Variants in TSR3 observed in about 807,000 individuals in gnomAD.
TSR3 encodes the protein 18S rRNA aminocarboxypropyltransferase.
In TSR3, 31 loss-of-function variants were observed where a neutral mutation model predicts 28.1. The ratio of observed to expected loss-of-function variants is 1.10; its 90% CI spans 0.83 to 1.49. TSR3 has a LOEUF of 1.49. Among genes scored for constraint, TSR3 ranks in the 40% most tolerant of loss-of-function variants. The probability of loss-of-function intolerance (pLI) is 0.00; values close to 1 mark genes in which losing one functional copy is unlikely to be tolerated. For missense variants in TSR3, 511 were observed against 444.0 expected (o/e 1.15, Z -1.36); for synonymous variants, 219 against 197.2 (o/e 1.11, Z -0.93).
chr16:1,349,744 T>C, intron 5 of TSR3, 136 bp from the exon 6 acceptor site: 1 of 1,367,878 alleles, frequency 7.3e-7, no homozygotes, highest in Non-Finnish European at 1.0e-6. Context: ...ACCTCTCCAG[T>C]GGGACATGCA....
rs757945435 is a variant in TSR3 at position 1,350,093 on chromosome 16, G to T, written c.668C>A (p.Ala223Asp). 6.2e-6 allele frequency: 10 copies of T among 1,609,926 alleles called. No homozygotes were observed. The South Asian group carries it at 1.1e-4, about 18-fold the overall frequency. ...CTCCTGGGGGCTCTCCTTGGCATTG[G>T]CCAAGAACTCCTGCTCCGCCTGCAG... ...EVLQAEQEFLANAKESPQEEE... is the reference protein window; with the variant it reads ...EVLQAEQEFLDNAKESPQEEE... The change falls in exon 4 of 6, where the codon GCC (alanine) becomes GAC (aspartate). Residue 223 changes from alanine (A) to aspartate (D), a missense_variant. Coordinates refer to ENST00000007390, the MANE Select transcript of TSR3 (RefSeq NM_001001410.3).
At chr16:1,351,160 G>A (rs556565258) in intron 2 of TSR3, among the ~76,000 whole-genome samples, 160 bp from the exon 3 acceptor site, 2 of 152,282 alleles carry the variant, frequency 1.3e-5, no homozygotes, top group South Asian at 4.1e-4. Flanking sequence ...AGCTGCTTGG[G>A]GCACCTGGAG....
At position 1,349,337 on chromosome 16, in the gene TSR3, C is replaced by T; in HGVS notation, c.*100G>A. 1.5e-6 allele frequency: 2 copies of T among 1,360,548 alleles called. No individual in the cohort carries two copies. The highest frequency in any genetic ancestry group is 2.1e-6 in the Non-Finnish European group (2 of 951,120). The allele number at this position is 1,360,548 out of a possible 1,614,324, so 84.3% of individuals were successfully genotyped here. A position where few individuals can be genotyped will look rare whatever the true frequency, so the allele number is the denominator to read the frequency against. The stretch of plus-strand genomic sequence containing the variant: ...GAGAACCCGGACAGCTCAGTCCTGC[C>T]AGCAGCCGCAAAGAGCCGAGGCTGC... On this transcript the variant is annotated 3_prime_UTR_variant, in exon 6 of 6. Transcript: ENST00000007390.
At position 1,351,580 on chromosome 16, in the gene TSR3, G is replaced by C; in HGVS notation, c.131C>G (p.Ala44Gly). Residue 44 changes from alanine to glycine, a missense_variant, in exon 2 of 6, where the codon GCG (alanine) becomes GGG (glycine). By Grantham distance (60) the Ala-to-Gly change is moderately conservative. Coordinates refer to ENST00000007390, the MANE Select transcript of TSR3 (RefSeq NM_001001410.3). The stretch of plus-strand genomic sequence containing the variant: ...GCCCGGGCCGCCCTCGCCGTCAGCC[G>C]CCCCTGGCTCCACGGAAGCTGCACG... The part of the protein sequence containing the change: ...AALQASVEPG[A>G]ADGEGGPGPA... 1.4e-6 allele frequency: 2 copies of C among 1,474,128 alleles called. No homozygotes were observed. Among genetic ancestry groups the C allele is most frequent in the Non-Finnish European group, 1.8e-6 (2 of 1,121,660 alleles). The allele number at this position is 1,474,128 out of a possible 1,614,324, so 91.3% of individuals were successfully genotyped here.
At chr16:1,349,771 C>A in intron 5 of TSR3, 118 bp downstream of exon 5, 1 of 1,413,734 alleles carries the variant, frequency 7.1e-7, no homozygotes, top group Non-Finnish European at 9.8e-7. Context: ...GTTTTCTAGT[C>A]AGAAGACCAT....
rs140020940 is a variant in TSR3 at position 1,350,223 on chromosome 16, G to A, written c.538C>T (p.Leu180Phe). The change falls in exon 4 of 6, where the codon CTT becomes TTT. Residue 180 changes from leucine (L) to phenylalanine (F), a missense_variant. Coordinates refer to ENST00000007390, the MANE Select transcript of TSR3 (RefSeq NM_001001410.3). ...AACTTCCGCAGCAAAATGACAGCAA[G>A]GTCTGGAAAGCCTGACGGTGTGAGA... Reference protein sequence around the residue: ...ATFCIVGFPDLAVILLRKFKW... With the variant: ...ATFCIVGFPDFAVILLRKFKW... The A allele has an allele frequency of 7.5e-6, 12 of 1,596,122 alleles. No homozygotes were observed. The highest frequency in any genetic ancestry group is 1.0e-5 in the Non-Finnish European group (12 of 1,176,574).
chr16:1,351,320 C>G (rs2034671838), intron 2 of TSR3, 59 bp downstream of exon 2: 1 of 1,518,374 alleles, frequency 6.6e-7, no homozygotes. Flanking sequence ...CTAAACCATC[C>G]CTGAAGGGAA....
rs2034680242 is a variant in TSR3 at position 1,351,503 on chromosome 16, G to A, written c.208C>T (p.Pro70Ser). 1.3e-6 allele frequency: 2 copies of A among 1,545,536 alleles called. No homozygotes were observed. The highest frequency in any genetic ancestry group is 1.7e-6 in the Non-Finnish European group (2 of 1,153,586). Residue 70 changes from proline (P) to serine (S), a missense_variant, in exon 2 of 6, where the codon CCC (proline) becomes TCC (serine). By Grantham distance (74) the Pro-to-Ser change is moderately conservative. Coordinates refer to ENST00000007390, the MANE Select transcript of TSR3 (RefSeq NM_001001410.3). ...AGCTTGCGGCCCGTGCAGCGCCGGG[G>A]GTCGCAGTGGCCCAACTCCCACATG... ...LAMWELGHCDPRRCTGRKLAR... is the reference protein window; with the variant it reads ...LAMWELGHCDSRRCTGRKLAR...
chr16:1,351,072 C>T, intron 2 of TSR3, 72 bp from the exon 3 acceptor site: 1 of 1,486,244 alleles, frequency 6.7e-7, no homozygotes, highest in South Asian at 1.2e-5. Flanking sequence ...GGAGAATGGC[C>T]TAGCTAAGGG....
chr16:1,351,071 CCTAG>C, intron 2 of TSR3, 71 bp from the exon 3 acceptor site: 1 of 1,488,878 alleles, frequency 6.7e-7, no homozygotes, highest in Non-Finnish European at 9.2e-7. Context: ...CGGAGAATGG[CCTAG>C]CTAAGGGATT....
intron 4 of TSR3, 35 bp downstream of exon 4, chr16:1,350,023 T>G (rs2034627042): frequency 6.2e-7 from 1 of 1,610,060 alleles, no homozygotes; most frequent in Non-Finnish European, 8.5e-7. Flanking sequence ...CCCCAGGCTT[T>G]GGAGGGCCTT....
In TSR3 at chr16:1,351,327, G is replaced by A. The variant is rs187164029; in HGVS notation, c.332+52C>T. On this transcript the variant is annotated intron_variant, in intron 2 of 5. Coordinates refer to ENST00000007390, the MANE Select transcript of TSR3 (RefSeq NM_001001410.3). ...AAGTGCCACTAAACCATCCCTGAAG[G>A]GAACCACGCGCTGGAAATGAAGACG... 283 of 1,531,178 alleles carry A rather than the reference G, an allele frequency of 1.8e-4. 1 individual carries two copies. The African/African-American group carries it at 3.6e-3, about 19-fold the overall frequency. The allele number at this position is 1,531,178 out of a possible 1,614,324, so 94.8% of individuals were successfully genotyped here.
chr16:1,351,598 G>C lies in TSR3; in HGVS notation c.113C>G (p.Ala38Gly). 1.4e-6 allele frequency: 2 copies of C among 1,474,950 alleles called. No homozygotes were observed. Among genetic ancestry groups the C allele is most frequent in the Non-Finnish European group, 1.8e-6 (2 of 1,121,826 alleles). 91.4% of individuals were successfully genotyped at this position (1,474,950 alleles called of 1,614,324 possible). A position where few individuals can be genotyped will look rare whatever the true frequency, so the allele number is the denominator to read the frequency against. ...FAEEVGAALQ[A>G]SVEPGAADGE... ...GTCAGCCGCCCCTGGCTCCACGGAAGCTGCACGAGAGAGAGAAGGGCACTC... is the reference window on the plus strand; with the variant it reads ...GTCAGCCGCCCCTGGCTCCACGGAACCTGCACGAGAGAGAGAAGGGCACTC... The change falls in exon 2 of 6, where the codon GCT becomes GGT. Residue 38 changes from alanine to glycine, a missense_variant and splice_region_variant. Transcript: ENST00000007390.
In TSR3 at chr16:1,349,583, C is replaced by T; in HGVS notation, c.793G>A (p.Asp265Asn). Residue 265 changes from aspartate to asparagine, a missense_variant, in exon 6 of 6, where the codon GAT becomes AAT. Transcript: ENST00000007390. ...CCAGGCCCTGGGTCCTCAGACGCAT[C>T]ACTGTCATCAGTGTCCGAGGGCAGC... ...TRLPSDTDDS[D>N]ASEDPGPGAE... 1 of 1,609,486 alleles carries T rather than the reference C, an allele frequency of 6.2e-7. No homozygotes were observed. The highest frequency in any genetic ancestry group is 1.3e-5 in the African/African-American group (1 of 74,844).
chr16:1,349,890 G>A lies in TSR3; in HGVS notation c.766C>T (p.Arg256Trp), dbSNP rs375746230. The change falls in exon 5 of 6, where the codon CGG becomes TGG. Residue 256 changes from arginine (R) to tryptophan (W), a missense_variant and splice_region_variant. Arg to Trp is a moderately radical substitution (Grantham distance 101, BLOSUM62 -3). Transcript: ENST00000007390. ...GNPNRPVAST[R>W]LPSDTDDSDA... ...ATGAAATTAAGCCCAAGGACCTACC[G>A]GGTGCTGGCCACAGGCCTGTTGGGG... 14 of 1,613,694 alleles carry A rather than the reference G, an allele frequency of 8.7e-6. No individual in the cohort carries two copies. The highest frequency in any genetic ancestry group is 1.7e-5 in the Admixed American group (1 of 60,020).
In TSR3 at chr16:1,351,694, C is replaced by T; in HGVS notation, c.111G>A (p.Gln37=). The change falls in exon 1 of 6, where the codon CAG becomes CAA. Residue 37 remains glutamine, a splice_region_variant and synonymous_variant. Transcript: ENST00000007390. ...CTCTCCCCATCACGCCTCGCTCACC[C>T]TGCAGCGCGGCGCCGACCTCCTCGG... ...AFAEEVGAAL[Q]ASVEPGAADG... 2 of 1,378,796 alleles carry T rather than the reference C, an allele frequency of 1.5e-6. No individual in the cohort carries two copies. Among genetic ancestry groups the T allele is most frequent in the South Asian group, 1.6e-5 (1 of 61,786 alleles). 85.4% of individuals were successfully genotyped at this position (1,378,796 alleles called of 1,614,324 possible).
Position 1,351,476 on chromosome 16 carries a change from C to A in TSR3, c.235G>T (p.Ala79Ser), listed in dbSNP as rs774466718. Reference sequence around the variant, plus strand: ...AGGCAGCGCACCAGCCCCAGGCGGGCCAGCTTGCGGCCCGTGCAGCGCCGG... The same window carrying A: ...AGGCAGCGCACCAGCCCCAGGCGGGACAGCTTGCGGCCCGTGCAGCGCCGG... Reference protein sequence around the residue: ...DPRRCTGRKLARLGLVRCLRL... With the variant: ...DPRRCTGRKLSRLGLVRCLRL... The change falls in exon 2 of 6, where the codon GCC (alanine) becomes TCC (serine). Residue 79 changes from alanine (A) to serine (S), a missense_variant. Physicochemically the swap from Ala to Ser is moderately conservative, Grantham distance 99 (BLOSUM62 1). Coordinates refer to ENST00000007390, the MANE Select transcript of TSR3 (RefSeq NM_001001410.3). 3.2e-6 allele frequency: 5 copies of A among 1,582,272 alleles called. No individual in the cohort carries two copies. The highest frequency in any genetic ancestry group is 2.7e-5 in the African/African-American group (2 of 74,238).
rs776889227 is a variant in TSR3, at chr16:1,349,387, C to T, written c.*50G>A. 4.4e-6 allele frequency: 7 copies of T among 1,608,296 alleles called. No homozygotes were observed. The highest frequency in any genetic ancestry group is 1.7e-5 in the Admixed American group (1 of 59,984). ...CCAGGCCCATTTATGTCCCTCATGTCTCTAGATTTTCTCGTCACCCAGCCT... is the reference window on the plus strand; with the variant it reads ...CCAGGCCCATTTATGTCCCTCATGTTTCTAGATTTTCTCGTCACCCAGCCT... On this transcript the variant is annotated 3_prime_UTR_variant, in exon 6 of 6. Coordinates refer to ENST00000007390, the MANE Select transcript of TSR3 (RefSeq NM_001001410.3).
chr16:1,350,144 G>A lies in TSR3; in HGVS notation c.617C>T (p.Ala206Val), dbSNP rs375400644. 2.2e-5 allele frequency: 36 copies of A among 1,612,354 alleles called. No individual in the cohort carries two copies. The highest frequency in any genetic ancestry group is 6.7e-5 in the East Asian group (3 of 44,878). ...DLNRQLLDKYAACGSPEEVLQ... is the reference protein window; with the variant it reads ...DLNRQLLDKYVACGSPEEVLQ... Reference sequence around the variant, plus strand: ...CACCTCCTCCGGGCTGCCGCAGGCCGCGTACTTGTCCAGGAGCTGGCGGTT... The same window carrying A: ...CACCTCCTCCGGGCTGCCGCAGGCCACGTACTTGTCCAGGAGCTGGCGGTT... Residue 206 changes from alanine (A) to valine (V), a missense_variant, in exon 4 of 6, where the codon GCG becomes GTG. Physicochemically the swap from Ala to Val is moderately conservative, Grantham distance 64. Transcript: ENST00000007390.
Sources: gnomAD v4.1 joint callset for allele counts (sites outside exome capture counted in the v4.1 genomes callset) on GRCh38, gnomAD v4.1.1 for gene constraint, MANE v1.5 for transcripts, NCBI Gene and HGNC (gene_info 2026-07-23, HGNC 2026-07-21) for gene names.